DCLK1: variants seen among roughly 807,000 people sequenced by gnomAD.
DCLK1 encodes doublecortin like kinase 1.
In DCLK1, 16 loss-of-function variants were observed where a neutral mutation model predicts 86.2. The ratio of observed to expected loss-of-function variants is 0.19; its 90% CI spans 0.13 to 0.28. DCLK1 has a LOEUF of 0.28. Ranked by LOEUF, DCLK1 falls within the 10% of genes least tolerant of loss-of-function variation. The pLI is 1.00. For synonymous variants in DCLK1, 369 were observed against 370.5 expected (o/e 1.00, Z 0.05); for missense variants, 590 against 940.2 (o/e 0.63, Z 4.87).
chr13:35,895,380 A>G (rs1014789689), intron 4 of DCLK1, among the ~76,000 whole-genome samples: 7 of 152,114 alleles, frequency 4.6e-5, no homozygotes, highest in Admixed American at 4.6e-4. Flanking sequence ...CTTTAGAAAT[A>G]TGAACAATTG....
At chr13:35,941,407 AC>A (rs1322709192) in intron 4 of DCLK1, among the ~76,000 whole-genome samples, 1 of 152,186 alleles carries the variant, frequency 6.6e-6, no homozygotes, top group Non-Finnish European at 1.5e-5. Flanking sequence ...GATCTTGGGT[AC>A]CCAACACCAT....
At chr13:35,814,454 C>T (rs370379986) in intron 11 of DCLK1, among the ~76,000 whole-genome samples, 1 of 152,184 alleles carries the variant, frequency 6.6e-6, no homozygotes, top group Non-Finnish European at 1.5e-5. Flanking sequence ...TGTTACTTGG[C>T]GTTCCTCCTT....
chr13:36,063,636 A>G (rs1883639068), intron 3 of DCLK1, among the ~76,000 whole-genome samples: 1 of 152,192 alleles, frequency 6.6e-6, no homozygotes, highest in Non-Finnish European at 1.5e-5. Context: ...TTTTTGCTAG[A>G]TGGGAATTAG....
At chr13:35,911,291 CAAAA>C (rs11295431) in intron 4 of DCLK1, among the ~76,000 whole-genome samples, 4 of 119,768 alleles carry the variant, frequency 3.3e-5, no homozygotes, top group Non-Finnish European at 7.3e-5. Flanking sequence ...GAGATTCCGT[CAAAA>C]AAAAAAAAAA....
Position 35,808,311 on chromosome 13 carries a change from A to T in DCLK1, c.1776T>A (p.Asp592Glu), listed in dbSNP as rs762798402. The T allele has an allele frequency of 4.3e-6, 7 of 1,613,992 alleles. No homozygotes were observed. In the African/African-American group the frequency reaches 9.3e-5, roughly 22 times the overall value. The change falls in exon 14 of 17, where the codon GAT (aspartate) becomes GAA (glutamate). Residue 592 changes from aspartate (D) to glutamate (E), a missense_variant. Asp to Glu is a conservative substitution (Grantham distance 45, BLOSUM62 2). This residue lies in a region of DCLK1 where 146 missense variants were observed against 190.2 expected (regional missense o/e 0.77). Coordinates refer to ENST00000360631, the MANE Select transcript of DCLK1 (RefSeq NM_001330071.2). ...TCTGATCAAAAAGCACCTCCTGGTC[A>T]TCACCACTTCTGTTTAGGTGAACGA... The part of the protein sequence containing the change: ...CGFPPFRGSG[D>E]DQEVLFDQIL...
intron 7 of DCLK1, among the ~76,000 whole-genome samples, chr13:35,837,607 G>A (rs1869479378): frequency 6.6e-6 from 1 of 152,108 alleles, no homozygotes; most frequent in Non-Finnish European, 1.5e-5. Flanking sequence ...AACCCTCCTT[G>A]GCTGTTGGGT....
At chr13:35,806,713 T>C (rs757719686) in intron 14 of DCLK1, among the ~76,000 whole-genome samples, 1 of 152,182 alleles carries the variant, frequency 6.6e-6, no homozygotes, top group Non-Finnish European at 1.5e-5. Flanking sequence ...CCTTTGCAGG[T>C]GCTATGGAGG....
intron 3 of DCLK1, among the ~76,000 whole-genome samples, chr13:36,041,792 C>T (rs1882710951): frequency 6.6e-6 from 1 of 152,154 alleles, no homozygotes; most frequent in African/African-American, 2.4e-5. Flanking sequence ...CTTCAATCCA[C>T]TCACTTTAAT....
intron 2 of DCLK1, among the ~76,000 whole-genome samples, chr13:36,124,712 T>C (rs1020099134): frequency 6.6e-6 from 1 of 152,142 alleles, no homozygotes; most frequent in East Asian, 1.9e-4. Context: ...CCTGAGCAAA[T>C]AGTTCTGGAG....
chr13:36,035,379 A>G (rs1882449017), intron 3 of DCLK1, among the ~76,000 whole-genome samples: 2 of 152,138 alleles, frequency 1.3e-5, no homozygotes, highest in Admixed American at 6.5e-5. Flanking sequence ...CCACACTGAA[A>G]CCACAAATGA....
intron 3 of DCLK1, among the ~76,000 whole-genome samples, chr13:36,108,403 CA>C (rs1355608231): frequency 6.6e-6 from 1 of 152,206 alleles, no homozygotes; most frequent in South Asian, 2.1e-4. Flanking sequence ...CTAAAAACAT[CA>C]AAAAAAGTAC....
chr13:36,050,775 T>C (rs568149507), intron 3 of DCLK1, among the ~76,000 whole-genome samples: 306 of 152,284 alleles, frequency 2.0e-3, no homozygotes, highest in African/African-American at 7.0e-3. Context: ...CCTGATTCAG[T>C]TCATTTCTCT....
intron 3 of DCLK1, among the ~76,000 whole-genome samples, chr13:35,958,000 CATTATCACCATCACCATCACACACCACA>C (rs1878112226): frequency 1.0e-5 from 1 of 97,912 alleles, no homozygotes; most frequent in African/African-American, 3.6e-5. Context: ...CCACCACCAC[CATTATCACCATCACCATCACACACCACA>C]ACTACCACCA....
chr13:35,781,951 G>C (rs1325624290), intron 16 of DCLK1, among the ~76,000 whole-genome samples: 1 of 152,138 alleles, frequency 6.6e-6, no homozygotes, highest in East Asian at 1.9e-4. Context: ...TTGCAGTTCT[G>C]TTTTGTTTTG....
chr13:36,120,595 T>A (rs930754578), intron 2 of DCLK1, among the ~76,000 whole-genome samples: 6 of 152,120 alleles, frequency 3.9e-5, no homozygotes, highest in Non-Finnish European at 8.8e-5. Context: ...TCCACACTAT[T>A]AAATGACACA....
At chr13:35,999,832 A>G (rs952873935) in intron 3 of DCLK1, among the ~76,000 whole-genome samples, 1 of 152,158 alleles carries the variant, frequency 6.6e-6, no homozygotes, top group South Asian at 2.1e-4. Flanking sequence ...CGGTCTGCTG[A>G]CCTGCAGCTA....
intron 2 of DCLK1, among the ~76,000 whole-genome samples, chr13:36,124,188 A>G (rs1461100324): frequency 1.3e-5 from 2 of 152,196 alleles, no homozygotes; most frequent in Non-Finnish European, 2.9e-5. Flanking sequence ...TTTGCGTATA[A>G]CTTTTATCCA....
intron 4 of DCLK1, among the ~76,000 whole-genome samples, chr13:35,906,315 T>C (rs1874688090): frequency 9.1e-6 from 1 of 109,292 alleles, no homozygotes; most frequent in East Asian, 2.4e-4. Context: ...AGTATTTTCT[T>C]TTTTTTTTTT....
intron 3 of DCLK1, among the ~76,000 whole-genome samples, chr13:36,011,926 A>G (rs971529082): frequency 6.6e-5 from 10 of 150,534 alleles, no homozygotes; most frequent in African/African-American, 2.0e-4. Flanking sequence ...TTGGGTGCAT[A>G]TATATTTAGG....
Sources: allele counts gnomAD v4.1 joint callset (sites outside exome capture counted in the v4.1 genomes callset), GRCh38; gene constraint gnomAD v4.1.1; regional missense constraint gnomAD v4.1.1; transcripts MANE v1.5; gene names NCBI Gene and HGNC (gene_info 2026-07-23, HGNC 2026-07-21).